ANK3: variants seen among roughly 807,000 people sequenced by gnomAD.
ANK3 encodes the protein ankyrin-3.
Under a neutral mutation model 370.9 loss-of-function variants are expected in ANK3, and 57 were observed. The observed-to-expected ratio is 0.15, with a 90% confidence interval of 0.12 to 0.19. The LOEUF (loss-of-function observed/expected upper bound fraction) is 0.19. Among genes scored for constraint, ANK3 ranks in the 10% least tolerant of loss-of-function variants. The pLI is 1.00. For synonymous variants in ANK3, 1,929 were observed against 1,946.3 expected (o/e 0.99, Z 0.23); for missense variants, 4,439 against 5,302.1 (o/e 0.84, Z 5.06).
At chr10:60,685,116 C>T (rs2079250416) in intron 1 of ANK3, 2 of 968,952 alleles carry the variant, frequency 2.1e-6, no homozygotes, top group East Asian at 7.1e-5. Flanking sequence ...AGGAGGTTTT[C>T]TCTGGTCTGA....
chr10:60,693,292 TC>T (rs1249304182), intron 1 of ANK3, among the ~76,000 whole-genome samples: 1 of 152,126 alleles, frequency 6.6e-6, no homozygotes, highest in Non-Finnish European at 1.5e-5. Context: ...CAGTCTGAGA[TC>T]AAACTGCAAG....
At chr10:60,476,749 G>T (rs917287112) in intron 2 of ANK3, among the ~76,000 whole-genome samples, 1 of 152,094 alleles carries the variant, frequency 6.6e-6, no homozygotes, top group Non-Finnish European at 1.5e-5. Flanking sequence ...TTATTTCATA[G>T]ACTGTATCAA....
At chr10:60,404,519 A>C (rs2063414291) in intron 2 of ANK3, among the ~76,000 whole-genome samples, 1 of 152,138 alleles carries the variant, frequency 6.6e-6, no homozygotes, top group African/African-American at 2.4e-5. Flanking sequence ...ACAACAGAAT[A>C]CCCATATGAA....
chr10:60,702,717 AAAG>A (rs1283502094), intron 1 of ANK3, among the ~76,000 whole-genome samples: 5 of 152,224 alleles, frequency 3.3e-5, no homozygotes, highest in South Asian at 4.1e-4. Flanking sequence ...TGGGTTTAGA[AAAG>A]AAGAATGAAT....
intron 2 of ANK3, among the ~76,000 whole-genome samples, chr10:60,463,629 A>G (rs1485767764): frequency 6.6e-6 from 1 of 151,966 alleles, no homozygotes; most frequent in Non-Finnish European, 1.5e-5. Context: ...GGACAGTCTG[A>G]TATAACTGTT....
intron 34 of ANK3, 36 bp downstream of exon 34, chr10:60,082,579 C>A (rs1039261111): frequency 1.2e-6 from 2 of 1,602,442 alleles, no homozygotes; most frequent in African/African-American, 2.7e-5. Context: ...TCTTCAAGAC[C>A]AGGGAAAGAC....
intron 2 of ANK3, among the ~76,000 whole-genome samples, chr10:60,400,009 AGTGTGTGTGTGTGTGTGT>A (rs60224309): frequency 0.36 from 52,526 of 145,930 alleles, 9,954 homozygotes; most frequent in Middle Eastern, 0.5. Flanking sequence ...CCTCCAATAC[AGTGTGTGTGTGTGTGTGT>A]GTGTGTGTGT....
chr10:60,437,364 C>G (rs137857132), intron 2 of ANK3, among the ~76,000 whole-genome samples: 117 of 152,262 alleles, frequency 7.7e-4, no homozygotes, highest in African/African-American at 2.6e-3. Context: ...GCTGAAGACA[C>G]TTCAAAGAAG....
At chr10:60,549,338 T>C (rs1227700738) in intron 2 of ANK3, among the ~76,000 whole-genome samples, 1 of 152,214 alleles carries the variant, frequency 6.6e-6, no homozygotes, top group South Asian at 2.1e-4. Context: ...ATTCAAACTT[T>C]ACAACAGGGA....
intron 8 of ANK3, among the ~76,000 whole-genome samples, chr10:60,232,457 A>G (rs558088490): frequency 5.0e-4 from 76 of 152,288 alleles, no homozygotes; most frequent in African/African-American, 1.7e-3. Context: ...CGCTTTTTAA[A>G]TGGCAGAAGA....
intron 2 of ANK3, among the ~76,000 whole-genome samples, chr10:60,581,036 G>A (rs1286793046): frequency 1.3e-5 from 2 of 152,166 alleles, no homozygotes; most frequent in Non-Finnish European, 1.5e-5. Context: ...GTAAGCTCCT[G>A]GAACAAAGCT....
At chr10:60,264,088 A>G in intron 5 of ANK3, 68 bp from the exon 6 acceptor site, 3 of 1,373,538 alleles carry the variant, frequency 2.2e-6, no homozygotes, top group Admixed American at 4.6e-5. Context: ...ATTAACAAAT[A>G]AGAAGGCAAC....
intron 1 of ANK3, among the ~76,000 whole-genome samples, chr10:60,721,872 C>T (rs2079868571): frequency 6.6e-6 from 1 of 152,124 alleles, no homozygotes; most frequent in Non-Finnish European, 1.5e-5. Context: ...GTTCATATCT[C>T]AAAGCATGGA....
chr10:60,531,562 A>G (rs941717526), intron 2 of ANK3, among the ~76,000 whole-genome samples: 14 of 152,162 alleles, frequency 9.2e-5, no homozygotes, highest in Middle Eastern at 6.8e-3. Context: ...CATAATTAAA[A>G]GTTATTAACT....
chr10:60,559,222 T>G (rs1322617933), intron 2 of ANK3, among the ~76,000 whole-genome samples: 1 of 152,140 alleles, frequency 6.6e-6, no homozygotes, highest in Non-Finnish European at 1.5e-5. Flanking sequence ...ACCCAAGCAG[T>G]GTACACTGTA....
chr10:60,385,941 G>T (rs181309040), intron 1 of ANK3, among the ~76,000 whole-genome samples: 1 of 152,240 alleles, frequency 6.6e-6, no homozygotes, highest in Admixed American at 6.5e-5. Context: ...GTGTATGTGG[G>T]GAGAGGGCAT....
intron 1 of ANK3, among the ~76,000 whole-genome samples, chr10:60,730,518 C>T (rs1248234334): frequency 6.6e-6 from 1 of 152,014 alleles, no homozygotes; most frequent in Non-Finnish European, 1.5e-5. Flanking sequence ...AAACACATGT[C>T]TAGGAGAAAG....
At chr10:60,218,171 G>A (rs979034494) in intron 8 of ANK3, among the ~76,000 whole-genome samples, 1 of 133,066 alleles carries the variant, frequency 7.5e-6, no homozygotes, top group African/African-American at 2.9e-5. Flanking sequence ...GAGCCTATGT[G>A]TGTCTTTGCA....
chr10:60,635,715 A>G (rs2133344868), intron 1 of ANK3, among the ~76,000 whole-genome samples: 1 of 152,272 alleles, frequency 6.6e-6, no homozygotes, highest in East Asian at 1.9e-4. Flanking sequence ...TACAAAAAAA[A>G]AAAAGCTCAT....
Sources: gnomAD v4.1 joint callset for allele counts (sites outside exome capture counted in the v4.1 genomes callset) on GRCh38, gnomAD v4.1.1 for gene constraint, MANE v1.5 for transcripts, NCBI Gene and HGNC (gene_info 2026-07-23, HGNC 2026-07-21) for gene names.